FBXO24: variants seen among roughly 807,000 people sequenced by gnomAD.
The protein encoded by FBXO24 is F-box only protein 24.
FBXO24 carries 30 observed loss-of-function variants against 63.5 expected under a neutral mutation model. The ratio of observed to expected loss-of-function variants is 0.47; its 90% CI spans 0.35 to 0.64. The LOEUF (loss-of-function observed/expected upper bound fraction) is 0.64. Ranked by LOEUF, FBXO24 falls within the 30% of genes least tolerant of loss-of-function variation. FBXO24 has a pLI of 0.00. For synonymous variants in FBXO24, 300 were observed against 305.0 expected, an observed-to-expected ratio of 0.98 and a Z score of 0.17; for missense variants, 624 against 763.4, an observed-to-expected ratio of 0.82 and a Z score of 2.15.
chr7:100,590,434 T>A, intron 3 of FBXO24, 77 bp downstream of exon 3: 1 of 1,458,346 alleles, frequency 6.9e-7, no homozygotes, highest in Non-Finnish European at 9.3e-7. Context: ...AGTCCCCTGA[T>A]GACCCCCACA....
intron 7 of FBXO24, 107 bp downstream of exon 7, chr7:100,595,330 C>G: frequency 1.3e-6 from 2 of 1,562,704 alleles, no homozygotes; most frequent in Non-Finnish European, 1.7e-6. Flanking sequence ...GCAGGGGATC[C>G]CCAGGGAGAG....
chr7:100,593,249 C>T (rs1197858071), intron 5 of FBXO24, among the ~76,000 whole-genome samples: 1 of 152,020 alleles, frequency 6.6e-6, no homozygotes, highest in African/African-American at 2.4e-5. Flanking sequence ...AACCCCAGCA[C>T]TTTGGGAGGC....
At chr7:100,591,031 A>ATTTTTTTTTTTTTTTT (rs930978218) in intron 3 of FBXO24, among the ~76,000 whole-genome samples, 2 of 86,680 alleles carry the variant, frequency 2.3e-5, no homozygotes, top group Non-Finnish European at 4.3e-5. Context: ...TTTTTCTTTG[A>ATTTTTTTTTTTTTTTT]TTTTTTTTTT....
At position 100,595,570 on chromosome 7, in the gene FBXO24, G is replaced by A. The variant is rs765320159; in HGVS notation, c.1075-5G>A. 2.5e-6 allele frequency: 4 copies of A among 1,594,008 alleles called. No homozygotes were observed. Among genetic ancestry groups the A allele is most frequent in the South Asian group, 1.1e-5 (1 of 88,818 alleles). On this transcript the variant is annotated splice_region_variant and splice_polypyrimidine_tract_variant and intron_variant, in intron 7 of 9. Transcript: ENST00000241071. ...TCCCTATCCCCTTTCTATCTTGCAC[G>A]CTAGATCCTATTCTGTGCTCTTGGC...
rs767205696 is a variant in FBXO24, at chr7:100,586,580, T to C, written c.-46T>C. 5 of 1,610,042 alleles carry C rather than the reference T, an allele frequency of 3.1e-6. No homozygotes were observed. Among genetic ancestry groups the C allele is most frequent in the South Asian group, 1.1e-5 (1 of 90,844 alleles). ...GGCCAATTAGAGCCTCCGAAGGGAATCTGGACCTGCCTCTTCTCTGAGGGA... is the reference window on the plus strand; with the variant it reads ...GGCCAATTAGAGCCTCCGAAGGGAACCTGGACCTGCCTCTTCTCTGAGGGA... On this transcript the variant is annotated 5_prime_UTR_variant, in exon 1 of 10. Coordinates refer to ENST00000241071, the MANE Select transcript of FBXO24 (RefSeq NM_033506.3).
chr7:100,589,706 G>A (rs1203313940), intron 1 of FBXO24: 2 of 1,546,554 alleles, frequency 1.3e-6, no homozygotes, highest in African/African-American at 2.7e-5. Flanking sequence ...GCAGGAGCAG[G>A]GAGGGGGCAA....
At chr7:100,588,481 A>C (rs543687706) in intron 1 of FBXO24, among the ~76,000 whole-genome samples, 1 of 152,250 alleles carries the variant, frequency 6.6e-6, no homozygotes, top group South Asian at 2.1e-4. Flanking sequence ...GGCACCATAC[A>C]TAAGGGAATT....
chr7:100,586,758 T>G (rs1471600187), intron 1 of FBXO24, 94 bp downstream of exon 1: 22 of 1,419,242 alleles, frequency 1.6e-5, no homozygotes, highest in Non-Finnish European at 2.0e-5. Context: ...GAGTGCGAGC[T>G]GGACGTGTTA....
intron 8 of FBXO24, 71 bp from the exon 9 acceptor site, chr7:100,599,960 A>G: frequency 1.3e-6 from 2 of 1,509,040 alleles, no homozygotes; most frequent in Non-Finnish European, 1.8e-6. Context: ...CCTTCCAGTC[A>G]ACCTTTTCCC....
chr7:100,598,256 A>T (rs992455247), intron 8 of FBXO24, among the ~76,000 whole-genome samples: 1 of 152,218 alleles, frequency 6.6e-6, no homozygotes, highest in African/African-American at 2.4e-5. Flanking sequence ...AACAGTGAAG[A>T]ATATCTAGCA....
Position 100,600,804 on chromosome 7 carries a change from G to A in FBXO24, c.1648G>A (p.Ala550Thr). Residue 550 changes from alanine to threonine, a missense_variant, in exon 10 of 10, where the codon GCC becomes ACC. Around this residue, in one of 3 missense-constraint regions of FBXO24, gnomAD observed 216 missense variants for 245.2 expected, o/e 0.88. Transcript: ENST00000241071. The surrounding 1 kb of genome is among the most constrained non-coding windows in gnomAD (Gnocchi z 6.3). ...KEIVGWMPLMAAQKDFFWEAL... is the reference protein window; with the variant it reads ...KEIVGWMPLMTAQKDFFWEAL... ...GATCGTAGGGTGGATGCCCCTGATG[G>A]CCGCACAGAAGGACTTCTTCTGGGA... The A allele has an allele frequency of 6.2e-7, 1 of 1,614,180 alleles. No individual in the cohort carries two copies. The highest frequency in any genetic ancestry group is 8.5e-7 in the Non-Finnish European group (1 of 1,180,012).
Position 100,595,230 on chromosome 7 carries a change from T to C in FBXO24, c.1074+7T>C. ...TCTCTCACTGCCTGCCAAGGTAGGC[T>C]CCTGGAGGGACGGGGCAAACCAGAG... On this transcript the variant is annotated splice_region_variant and intron_variant, in intron 7 of 9. Coordinates refer to ENST00000241071, the MANE Select transcript of FBXO24 (RefSeq NM_033506.3). The C allele has an allele frequency of 6.2e-7, 1 of 1,614,082 alleles. No individual in the cohort carries two copies. The highest frequency in any genetic ancestry group is 8.5e-7 in the Non-Finnish European group (1 of 1,180,002).
Position 100,600,429 on chromosome 7 carries a change from T to TG in FBXO24, c.1378-103dup. On this transcript the variant is annotated intron_variant, in intron 9 of 9. Transcript: ENST00000241071. This position sits in a 1 kb window ranked among gnomAD's most constrained non-coding sequence, Gnocchi z 6.3. ...CCCTGGGACTTAGCCGGCTCAGGGC[T>TG]GGTGTGAGAGGGAAGAATGCAATAG... 6.6e-7 allele frequency: 1 copy of TG among 1,509,538 alleles called. No homozygotes were observed. The highest frequency in any genetic ancestry group is 8.9e-7 in the Non-Finnish European group (1 of 1,127,850). The allele number at this position is 1,509,538 out of a possible 1,614,324, so 93.5% of individuals were successfully genotyped here.
intron 8 of FBXO24, among the ~76,000 whole-genome samples, chr7:100,597,896 T>G (rs1802391154): frequency 6.6e-6 from 1 of 150,660 alleles, no homozygotes; most frequent in African/African-American, 2.4e-5. Context: ...TTTTTTTGTT[T>G]TTTTTTTTTT....
rs368840090 is a variant in FBXO24 at position 100,586,503 on chromosome 7, C to T, written c.-123C>T. On this transcript the variant is annotated 5_prime_UTR_variant, in exon 1 of 10. Transcript: ENST00000241071. ...CCGCAAGCAGGGGGTGCCTAGTCCT[C>T]GTCCCCCAAAGACCAATCGTAAGCC... is the stretch of plus-strand genomic sequence containing the variant. The T allele has an allele frequency of 8.0e-5, 82 of 1,030,494 alleles. No individual in the cohort carries two copies. Among genetic ancestry groups the T allele is most frequent in the East Asian group, 6.5e-4 (26 of 39,956 alleles). The allele number at this position is 1,030,494 out of a possible 1,614,324, so 63.8% of individuals were successfully genotyped here.
chr7:100,600,921 C>T lies in FBXO24; in HGVS notation c.*22C>T. The T allele has an allele frequency of 3.1e-6, 5 of 1,601,044 alleles. No homozygotes were observed. Among genetic ancestry groups the T allele is most frequent in the Non-Finnish European group, 4.3e-6 (5 of 1,173,660 alleles). Reference sequence around the variant, plus strand: ...CTAATCCCCCTCATGCTAGCCTAGTCCCTGGAGGAGGGAGTCCGGCCCCAG... The same window carrying T: ...CTAATCCCCCTCATGCTAGCCTAGTTCCTGGAGGAGGGAGTCCGGCCCCAG... On this transcript the variant is annotated 3_prime_UTR_variant, in exon 10 of 10. Transcript: ENST00000241071. The surrounding 1 kb of genome is among the most constrained non-coding windows in gnomAD (Gnocchi z 6.3).
intron 5 of FBXO24, among the ~76,000 whole-genome samples, chr7:100,593,576 C>T (rs1481169785): frequency 3.4e-5 from 5 of 148,738 alleles, no homozygotes; most frequent in Non-Finnish European, 7.4e-5. Context: ...TGCAGTGAGC[C>T]GAGATCACGC....
At chr7:100,599,896 G>GA in intron 8 of FBXO24, 135 bp from the exon 9 acceptor site, 2 of 969,118 alleles carry the variant, frequency 2.1e-6, no homozygotes, top group Non-Finnish European at 3.1e-6. Flanking sequence ...CAGACCTGGG[G>GA]CGTGGGACAG....
intron 1 of FBXO24, 60 bp downstream of exon 1, chr7:100,586,724 A>C (rs1466003707): frequency 2.5e-6 from 4 of 1,594,404 alleles, no homozygotes; most frequent in African/African-American, 1.3e-5. Context: ...GCCGGCCGGG[A>C]ACGCAGTTCG....
Sources: allele counts gnomAD v4.1 joint callset (sites outside exome capture counted in the v4.1 genomes callset), GRCh38; gene constraint gnomAD v4.1.1; regional missense constraint gnomAD v4.1.1; non-coding constraint Gnocchi (gnomAD v3.1); transcripts MANE v1.5; gene names NCBI Gene and HGNC (gene_info 2026-07-23, HGNC 2026-07-21).